ADRA1A: variants seen among roughly 807,000 people sequenced by gnomAD.
ADRA1A encodes alpha-1A adrenergic receptor.
Under a neutral mutation model 29.6 loss-of-function variants are expected in ADRA1A, and 31 were observed. The observed-to-expected ratio is 1.05, with a 90% confidence interval of 0.79 to 1.41. The LOEUF is 1.41. Ranked by LOEUF, ADRA1A falls within the 40% of genes most tolerant of loss-of-function variation. The pLI is 0.00. For missense variants in ADRA1A, 619 were observed against 601.1 expected, an observed-to-expected ratio of 1.03 and a Z score of -0.31; for synonymous variants, 311 against 254.3, an observed-to-expected ratio of 1.22 and a Z score of -2.12.
downstream of ADRA1A, among the ~76,000 whole-genome samples, chr8:26,762,673 G>C (rs1194881677): frequency 6.6e-6 from 1 of 152,186 alleles, no homozygotes; most frequent in Non-Finnish European, 1.5e-5. The surrounding 1 kb of genome is among the most constrained non-coding windows in gnomAD (Gnocchi z 4.0). Context: ...AGGGAAGGGA[G>C]GGAAAGCTGC....
chr8:26,816,704 G>A (rs564031439), intron 2 of ADRA1A, among the ~76,000 whole-genome samples: 13 of 152,272 alleles, frequency 8.5e-5, no homozygotes, highest in African/African-American at 2.4e-4. Context: ...CCTCCATGTG[G>A]CACCTCAGCG....
chr8:26,820,483 T>C (rs1007782445), intron 2 of ADRA1A, among the ~76,000 whole-genome samples: 1 of 152,228 alleles, frequency 6.6e-6, no homozygotes, highest in African/African-American at 2.4e-5. Context: ...CTTTCTTGAC[T>C]AAACATCATT....
chr8:26,753,221 G>A (rs991479551), downstream of ADRA1A, among the ~76,000 whole-genome samples: 1 of 152,014 alleles, frequency 6.6e-6, no homozygotes, highest in Non-Finnish European at 1.5e-5. Flanking sequence ...CTCTGACCTC[G>A]GCCCTCATAA....
intron 2 of ADRA1A, among the ~76,000 whole-genome samples, chr8:26,832,814 A>G (rs1811081466): frequency 6.6e-6 from 1 of 152,100 alleles, no homozygotes; most frequent in Non-Finnish European, 1.5e-5. Flanking sequence ...CTGGGCTGCC[A>G]TGCAGTCAGG....
chr8:26,794,932 G>A (rs961599033), intron 2 of ADRA1A, among the ~76,000 whole-genome samples: 4 of 152,036 alleles, frequency 2.6e-5, no homozygotes, highest in African/African-American at 9.7e-5. Flanking sequence ...TAATGGAAAA[G>A]GCAACTTATT....
downstream of ADRA1A, among the ~76,000 whole-genome samples, chr8:26,764,176 C>G (rs981853170): frequency 1.3e-5 from 2 of 152,120 alleles, no homozygotes; most frequent in African/African-American, 2.4e-5. Flanking sequence ...TGCAATGACC[C>G]ACAGGCTGAC....
chr8:26,801,391 C>T (rs1808567651), intron 2 of ADRA1A, among the ~76,000 whole-genome samples: 1 of 152,140 alleles, frequency 6.6e-6, no homozygotes. Context: ...AAAGACCACA[C>T]TGAAAAGCTA....
chr8:26,756,451 G>A (rs1805172090), exon 3 of ADRA1A: 20 of 1,441,376 alleles, frequency 1.4e-5, no homozygotes, highest in Non-Finnish European at 1.6e-5. Flanking sequence ...ATGAAATGGG[G>A]GAGGGAGGTT....
At chr8:26,752,311 C>G (rs75670390), downstream of ADRA1A, among the ~76,000 whole-genome samples, 1,126 of 152,270 alleles carry the variant, frequency 7.4e-3, 4 homozygotes, top group Middle Eastern at 0.02. Flanking sequence ...TTGGTTGGAC[C>G]AGGTGTGCTA....
At chr8:26,784,757 T>C (rs1032364116) in intron 2 of ADRA1A, among the ~76,000 whole-genome samples, 1 of 152,152 alleles carries the variant, frequency 6.6e-6, no homozygotes, top group Non-Finnish European at 1.5e-5. Context: ...ATAAGGCTTA[T>C]ACTATCTAAG....
At chr8:26,812,674 TA>T (rs1355767799) in intron 2 of ADRA1A, among the ~76,000 whole-genome samples, 5 of 151,370 alleles carry the variant, frequency 3.3e-5, no homozygotes, top group African/African-American at 4.8e-5. Flanking sequence ...TTATTATTAT[TA>T]TTTTTTTGAG....
intron 2 of ADRA1A, among the ~76,000 whole-genome samples, chr8:26,799,436 A>G (rs1374689665): frequency 6.6e-6 from 1 of 152,202 alleles, no homozygotes; most frequent in Non-Finnish European, 1.5e-5. Flanking sequence ...AGTGACTTCC[A>G]GTGAATCTGT....
intron 2 of ADRA1A, among the ~76,000 whole-genome samples, chr8:26,853,314 G>A (rs1812771103): frequency 6.6e-6 from 1 of 152,164 alleles, no homozygotes; most frequent in Non-Finnish European, 1.5e-5. Context: ...GTTAGCAGAT[G>A]TGCTTAAAAC....
Position 26,854,417 on chromosome 8 carries a change from GCGGGGC to G in ADRA1A, c.883+9664_883+9669del, listed in dbSNP as rs1396685905. On this transcript the variant is annotated intron_variant, in intron 2 of 2. Coordinates refer to ENST00000380573, the MANE Select transcript of ADRA1A (RefSeq NM_000680.4). ...GAACAAAAAAATGCCTGAAGTTAAA[GCGGGGC>G]GGGGGGGGGGAGCAGGCAGAGGTGC... 3.5e-3 allele frequency: 359 copies of G among 103,722 alleles called. 14 individuals carry two copies. The highest frequency in any genetic ancestry group is 0.021 in the East Asian group (71 of 3,394). The allele number at this position is 103,722 out of a possible 1,614,324, so 6.4% of individuals were successfully genotyped here.
At chr8:26,766,178 C>G, downstream of ADRA1A, 1 of 1,421,000 alleles carries the variant, frequency 7.0e-7, no homozygotes, top group Non-Finnish European at 9.9e-7. Flanking sequence ...AGTTGGAATA[C>G]AGGTGAGTGA....
In ADRA1A at chr8:26,860,187, G is replaced by A. The variant is rs544064664; in HGVS notation, c.883+3900C>T. On this transcript the variant is annotated intron_variant, in intron 2 of 2. Coordinates refer to ENST00000380573, the MANE Select transcript of ADRA1A (RefSeq NM_000680.4). This position sits in a 1 kb window ranked among gnomAD's most constrained non-coding sequence, Gnocchi z 4.7. ...TCCCTGGGAGAGCAAATCCAAGAGC[G>A]GGCTATGACTAGTCAGAGCATCCAC... Among the ~76,000 whole-genome samples, 8 of 151,980 alleles carry A rather than the reference G, an allele frequency of 5.3e-5. No homozygotes were observed. The highest frequency in any genetic ancestry group is 8.8e-5 in the Non-Finnish European group (6 of 68,000).
Position 26,810,202 on chromosome 8 carries a change from A to G in ADRA1A, c.884-39536T>C, listed in dbSNP as rs143478072. Among the ~76,000 whole-genome samples, 758 of 152,378 alleles carry G rather than the reference A, an allele frequency of 5.0e-3. 8 individuals are homozygous for G. Among genetic ancestry groups the G allele is most frequent in the African/African-American group, 0.018 (729 of 41,590 alleles). ...AACACAAGTACCAAAGTAAATTTTT[A>G]CAAAAGGGTCACCATTCAATTTCTA... On this transcript the variant is annotated intron_variant, in intron 2 of 2. Transcript: ENST00000380573.
downstream of ADRA1A, among the ~76,000 whole-genome samples, chr8:26,761,064 C>A (rs1805482168): frequency 6.6e-6 from 1 of 152,170 alleles, no homozygotes; most frequent in South Asian, 2.1e-4. Flanking sequence ...AAGTGACAGA[C>A]CATTGCTGCC....
At chr8:26,774,229 T>G (rs1340841737) in intron 2 of ADRA1A, among the ~76,000 whole-genome samples, 1 of 152,230 alleles carries the variant, frequency 6.6e-6, no homozygotes, top group African/African-American at 2.4e-5. Flanking sequence ...GCAGGATCCA[T>G]TCTCATGCTT....
Sources: allele counts gnomAD v4.1 joint callset (sites outside exome capture counted in the v4.1 genomes callset), GRCh38; gene constraint gnomAD v4.1.1; non-coding constraint Gnocchi (gnomAD v3.1); transcripts MANE v1.5; gene names NCBI Gene and HGNC (gene_info 2026-07-23, HGNC 2026-07-21).